SPTLC1: variants seen among roughly 807,000 people sequenced by gnomAD.
SPTLC1 encodes serine palmitoyltransferase long chain base subunit 1.
A neutral mutation model predicts 68.9 loss-of-function variants in SPTLC1; 55 were observed. The observed-to-expected ratio is 0.80, with a 90% CI of 0.64 to 1.00. The LOEUF is 1.00. Ranked by LOEUF, SPTLC1 falls within the 50% of genes least tolerant of loss-of-function variation. The pLI is 0.00. For synonymous variants in SPTLC1, 197 were observed against 201.6 expected (o/e 0.98, Z 0.19); for missense variants, 449 against 573.1 (o/e 0.78, Z 2.21).
At chr9:92,077,678 A>G (rs1346087188) in intron 5 of SPTLC1, among the ~76,000 whole-genome samples, 3 of 152,318 alleles carry the variant, frequency 2.0e-5, no homozygotes, top group Non-Finnish European at 4.4e-5. Flanking sequence ...TGTCCCTACT[A>G]ACCATTCTCA....
chr9:92,114,955 T>C, intron 1 of SPTLC1: 1 of 374,982 alleles, frequency 2.7e-6, no homozygotes, highest in Non-Finnish European at 5.1e-6. Flanking sequence ...CTTAGGACCT[T>C]CCCAGACGAA....
chr9:92,051,356 T>G (rs2118481231), intron 8 of SPTLC1: 1 of 770,562 alleles, frequency 1.3e-6, no homozygotes, highest in Non-Finnish European at 1.6e-6. Flanking sequence ...ATTAGAAGAA[T>G]GTAGGGGGAA....
intron 12 of SPTLC1, among the ~76,000 whole-genome samples, chr9:92,039,416 C>CTATTAT (rs57709426): frequency 6.5e-4 from 98 of 151,536 alleles, no homozygotes; most frequent in African/African-American, 2.3e-3. Flanking sequence ...TGTCATACTA[C>CTATTAT]TATTATTATT....
chr9:92,054,403 A>G (rs1021638920), intron 8 of SPTLC1, among the ~76,000 whole-genome samples: 1 of 152,374 alleles, frequency 6.6e-6, no homozygotes, highest in East Asian at 1.9e-4. Flanking sequence ...TCTGGGGCCA[A>G]CATGGGTACT....
chr9:92,064,417 T>C (rs915857019), intron 6 of SPTLC1, among the ~76,000 whole-genome samples: 2 of 152,222 alleles, frequency 1.3e-5, no homozygotes, highest in Non-Finnish European at 2.9e-5. Flanking sequence ...ATATAAATTT[T>C]TCTATACACC....
chr9:92,091,476 G>C (rs894589327), intron 3 of SPTLC1, among the ~76,000 whole-genome samples: 4 of 152,192 alleles, frequency 2.6e-5, no homozygotes. Flanking sequence ...GGAAGAATTA[G>C]AATAAAACTG....
At chr9:92,081,407 A>G (rs1158139571) in intron 3 of SPTLC1, among the ~76,000 whole-genome samples, 4 of 152,216 alleles carry the variant, frequency 2.6e-5, no homozygotes, top group Non-Finnish European at 5.9e-5. Flanking sequence ...AATGTCATGT[A>G]TAGGAAGCCA....
At chr9:92,091,625 A>G (rs1835364720) in intron 3 of SPTLC1, among the ~76,000 whole-genome samples, 1 of 152,228 alleles carries the variant, frequency 6.6e-6, no homozygotes, top group Non-Finnish European at 1.5e-5. Context: ...TTAAATTTAC[A>G]TATCAAATTG....
At chr9:92,084,566 C>A (rs1439778938) in intron 3 of SPTLC1, among the ~76,000 whole-genome samples, 2 of 152,196 alleles carry the variant, frequency 1.3e-5, no homozygotes, top group African/African-American at 2.4e-5. Context: ...TATATTGAAC[C>A]AGCCTTGCAT....
intron 4 of SPTLC1, 25 bp from the exon 5 acceptor site, chr9:92,080,113 C>T (rs1183117482): frequency 1.3e-6 from 2 of 1,581,996 alleles, no homozygotes; most frequent in Admixed American, 1.7e-5. Flanking sequence ...AAGAATTATA[C>T]TTTAATAATT....
At position 92,051,964 on chromosome 9, in the gene SPTLC1, G is replaced by GA. The variant is rs1244181843; in HGVS notation, c.781-1898dup. On this transcript the variant is annotated intron_variant, in intron 8 of 14. Transcript: ENST00000262554. ...GCTGAAGGAAATATCTAAATAGATGGAAAAATCCCAAGTTCATGGACTGGA... is the reference window on the plus strand; with the variant it reads ...GCTGAAGGAAATATCTAAATAGATGGAAAAAATCCCAAGTTCATGGACTGGA... Among the ~76,000 whole-genome samples the GA allele has an allele frequency of 2.6e-5, 4 of 152,102 alleles. No homozygotes were observed. The East Asian group carries it at 7.7e-4, about 29-fold the overall frequency.
intron 3 of SPTLC1, among the ~76,000 whole-genome samples, chr9:92,081,639 G>T (rs1834888748): frequency 2.0e-5 from 3 of 152,144 alleles, no homozygotes; most frequent in Admixed American, 6.6e-5. Flanking sequence ...CAAAATCATG[G>T]GCTCAAATTA....
intron 5 of SPTLC1, among the ~76,000 whole-genome samples, chr9:92,076,364 CAAAGAAACAGCA>C (rs776113264): frequency 4.6e-5 from 7 of 152,112 alleles, no homozygotes; most frequent in Non-Finnish European, 1.0e-4. Context: ...ATAAAACAGC[CAAAGAAACAGCA>C]AACTCCCCAG....
intron 9 of SPTLC1, among the ~76,000 whole-genome samples, chr9:92,048,887 A>C (rs1296959275): frequency 1.3e-5 from 2 of 152,168 alleles, no homozygotes; most frequent in African/African-American, 2.4e-5. Context: ...CTCTACTCTC[A>C]GGCGCTTGTG....
chr9:92,067,629 T>C lies in SPTLC1; in HGVS notation c.560+337A>G, dbSNP rs145621358. 5.6e-4 allele frequency among the ~76,000 whole-genome samples: 85 copies of C among 152,258 alleles called. 1 individual carries two copies. In the East Asian group the frequency reaches 0.012, roughly 22 times the overall value. On this transcript the variant is annotated intron_variant, in intron 6 of 14. Coordinates refer to ENST00000262554, the MANE Select transcript of SPTLC1 (RefSeq NM_006415.4). ...GACGGGGTGAATGGGTGATGAGACA[T>C]GGAGAGACTTTGCCGGGCAGTCTGA...
At chr9:92,033,521 C>T (rs1026959682) in intron 14 of SPTLC1, among the ~76,000 whole-genome samples, 5 of 152,190 alleles carry the variant, frequency 3.3e-5, no homozygotes, top group African/African-American at 7.2e-5. Context: ...CATGCACCTA[C>T]GGTCTTACTA....
intron 3 of SPTLC1, among the ~76,000 whole-genome samples, chr9:92,084,267 TC>T (rs1245669350): frequency 2.0e-5 from 3 of 150,650 alleles, no homozygotes; most frequent in African/African-American, 7.3e-5. Flanking sequence ...GGCCAGAACT[TC>T]CAACACTATG....
At chr9:92,032,886 A>C (rs1441854480) in intron 14 of SPTLC1, among the ~76,000 whole-genome samples, 3 of 151,984 alleles carry the variant, frequency 2.0e-5, no homozygotes, top group Admixed American at 6.5e-5. Context: ...AAAAAAAAAA[A>C]AAAACCAAAA....
chr9:92,090,820 C>G (rs760569054), intron 3 of SPTLC1, among the ~76,000 whole-genome samples: 4 of 152,140 alleles, frequency 2.6e-5, no homozygotes. Context: ...CCAGCATTGC[C>G]GTAACCAAGC....
Sources: allele counts gnomAD v4.1 joint callset (sites outside exome capture counted in the v4.1 genomes callset), GRCh38; gene constraint gnomAD v4.1.1; transcripts MANE v1.5; gene names NCBI Gene and HGNC (gene_info 2026-07-23, HGNC 2026-07-21).